Variants in CPPED1 observed in about 807,000 individuals in gnomAD.
The protein encoded by CPPED1 is serine/threonine-protein phosphatase CPPED1.
A neutral mutation model predicts 28.0 loss-of-function variants in CPPED1; 28 were observed. The ratio of observed to expected loss-of-function variants is 1.00; its 90% confidence interval spans 0.74 to 1.37. CPPED1 has a LOEUF of 1.37. CPPED1 is among the 40% of genes most tolerant of loss of function. The probability of loss-of-function intolerance (pLI) is 0.00; values close to 1 mark genes in which losing one functional copy is unlikely to be tolerated. For missense variants in CPPED1, 504 were observed against 416.5 expected (o/e 1.21, Z -1.83); for synonymous variants, 198 against 180.2 (o/e 1.10, Z -0.79).
chr16:12,755,006 G>C (rs2080356052), intron 2 of CPPED1, among the ~76,000 whole-genome samples: 1 of 152,204 alleles, frequency 6.6e-6, no homozygotes, highest in East Asian at 1.9e-4. Context: ...GAGATCTGTT[G>C]TACAAAAAAT....
In CPPED1 at chr16:12,670,799, G is replaced by A. The variant is rs1286182385; in HGVS notation, c.716-5684C>T. On this transcript the variant is annotated intron_variant, in intron 3 of 3. Transcript: ENST00000381774. This position sits in a 1 kb window ranked among gnomAD's most constrained non-coding sequence, Gnocchi z 4.2. ...AGCCAAGAGGAACCGAAGCACATACGATGACTAAATGTAAATGATCCATGT... is the reference window on the plus strand; with the variant it reads ...AGCCAAGAGGAACCGAAGCACATACAATGACTAAATGTAAATGATCCATGT... Among the ~76,000 whole-genome samples, 3 of 152,104 alleles carry A rather than the reference G, an allele frequency of 2.0e-5. No individual in the cohort carries two copies. Among genetic ancestry groups the A allele is most frequent in the East Asian group, 1.9e-4 (1 of 5,186 alleles).
At chr16:12,763,515 A>T (rs2080421937) in intron 2 of CPPED1, among the ~76,000 whole-genome samples, 1 of 152,214 alleles carries the variant, frequency 6.6e-6, no homozygotes, top group Non-Finnish European at 1.5e-5. Flanking sequence ...AAGTAATCGT[A>T]GTTATTGGGC....
chr16:12,674,746 T>A (rs2079869603), intron 3 of CPPED1, among the ~76,000 whole-genome samples: 1 of 152,102 alleles, frequency 6.6e-6, no homozygotes, highest in Non-Finnish European at 1.5e-5. Flanking sequence ...GCATCCAGGA[T>A]CAGAACTCAG....
At chr16:12,787,490 C>A (rs1301338685) in intron 1 of CPPED1, among the ~76,000 whole-genome samples, 1 of 150,702 alleles carries the variant, frequency 6.6e-6, no homozygotes, top group African/African-American at 2.4e-5. Context: ...ACTGCAACCT[C>A]TGCGTCTCGG....
chr16:12,695,656 C>T (rs1004577790), intron 3 of CPPED1, among the ~76,000 whole-genome samples: 2 of 152,188 alleles, frequency 1.3e-5, no homozygotes, highest in Non-Finnish European at 2.9e-5. Flanking sequence ...ATACTCTTGC[C>T]AATCTCCGGT....
At chr16:12,781,894 G>A (rs1488952292) in intron 1 of CPPED1, among the ~76,000 whole-genome samples, 1 of 152,066 alleles carries the variant, frequency 6.6e-6, no homozygotes, top group Non-Finnish European at 1.5e-5. Context: ...ATAAAACTTG[G>A]CGCTTGGAAG....
At chr16:12,712,046 A>G (rs560343751) in intron 2 of CPPED1, among the ~76,000 whole-genome samples, 68 of 152,274 alleles carry the variant, frequency 4.5e-4, no homozygotes, top group Admixed American at 1.8e-3. Flanking sequence ...AATGCAGGAA[A>G]GAACACACAT....
At chr16:12,744,290 G>GAC (rs1555488294) in intron 2 of CPPED1, among the ~76,000 whole-genome samples, 1 of 111,110 alleles carries the variant, frequency 9.0e-6, no homozygotes, top group Admixed American at 8.6e-5. Context: ...GAGAGAGAGA[G>GAC]AGAGAGAAAG....
intron 1 of CPPED1, among the ~76,000 whole-genome samples, chr16:12,792,029 G>A (rs903890463): frequency 6.6e-6 from 1 of 151,686 alleles, no homozygotes; most frequent in African/African-American, 2.4e-5. Context: ...TTGGCTCAAA[G>A]CAACCTCCGT....
intron 3 of CPPED1, among the ~76,000 whole-genome samples, chr16:12,690,662 CAAAA>C (rs748989286): frequency 3.2e-5 from 3 of 94,672 alleles, no homozygotes; most frequent in Admixed American, 1.2e-4. Flanking sequence ...TAGTTTCTAC[CAAAA>C]AAAAAAAAAA....
intron 2 of CPPED1, among the ~76,000 whole-genome samples, chr16:12,777,436 G>A (rs1394726423): frequency 6.6e-6 from 1 of 152,194 alleles, no homozygotes; most frequent in Non-Finnish European, 1.5e-5. Context: ...GGACTGACAA[G>A]AGTAACCCTA....
intron 2 of CPPED1, among the ~76,000 whole-genome samples, chr16:12,705,531 G>A (rs151228608): frequency 0.032 from 4,898 of 152,264 alleles, 123 homozygotes; most frequent in East Asian, 0.1. Context: ...GCCGAGGCAC[G>A]TGGATCACCT....
chr16:12,702,380 T>C (rs1192350043), intron 3 of CPPED1, among the ~76,000 whole-genome samples: 1 of 151,896 alleles, frequency 6.6e-6, no homozygotes, highest in Non-Finnish European at 1.5e-5. Context: ...CTACAAATAA[T>C]TAAAAAAATT....
chr16:12,760,089 C>T (rs1317379337), intron 2 of CPPED1, among the ~76,000 whole-genome samples: 2 of 152,156 alleles, frequency 1.3e-5, no homozygotes, highest in Non-Finnish European at 2.9e-5. Flanking sequence ...AAAAAAATTC[C>T]GTGATGTTTC....
chr16:12,742,519 C>T (rs888125730), intron 2 of CPPED1, among the ~76,000 whole-genome samples: 5 of 152,210 alleles, frequency 3.3e-5, no homozygotes, highest in Middle Eastern at 3.2e-3. Flanking sequence ...AGAGTTACCG[C>T]TGAATGCCTG....
At chr16:12,730,587 T>C (rs2080192090) in intron 2 of CPPED1, among the ~76,000 whole-genome samples, 1 of 152,160 alleles carries the variant, frequency 6.6e-6, no homozygotes, top group South Asian at 2.1e-4. Flanking sequence ...GATCTGTTCA[T>C]TAGATGGTAT....
At chr16:12,666,209 C>T (rs1018050004) in intron 3 of CPPED1, among the ~76,000 whole-genome samples, 2 of 152,126 alleles carry the variant, frequency 1.3e-5, no homozygotes. Context: ...TCCAAACAGC[C>T]GTAGTGGATG....
intron 2 of CPPED1, among the ~76,000 whole-genome samples, chr16:12,737,064 C>T (rs1046123058): frequency 5.3e-5 from 8 of 152,108 alleles, no homozygotes; most frequent in African/African-American, 1.7e-4. Context: ...ATGGCGCACA[C>T]CTGCAGTCCC....
At chr16:12,723,377 C>G (rs2080152504) in intron 2 of CPPED1, among the ~76,000 whole-genome samples, 1 of 152,194 alleles carries the variant, frequency 6.6e-6, no homozygotes. Flanking sequence ...CATCATATGA[C>G]TGCAACTGGA....
Sources: gnomAD v4.1 joint callset for allele counts (sites outside exome capture counted in the v4.1 genomes callset) on GRCh38, gnomAD v4.1.1 for gene constraint, Gnocchi (gnomAD v3.1) non-coding constraint, MANE v1.5 for transcripts, NCBI Gene and HGNC (gene_info 2026-07-23, HGNC 2026-07-21) for gene names.